Variants in KHDRBS1 observed in about 807,000 individuals in gnomAD.
KHDRBS1 encodes the protein KH RNA binding domain containing, signal transduction associated 1.
KHDRBS1 carries 7 observed loss-of-function variants against 48.4 expected under a neutral mutation model. The ratio of observed to expected loss-of-function variants is 0.14; its 90% CI spans 0.08 to 0.27. The LOEUF (loss-of-function observed/expected upper bound fraction) is 0.27. Ranked by LOEUF, KHDRBS1 falls within the 10% of genes least tolerant of loss-of-function variation. The probability of loss-of-function intolerance (pLI) is 1.00; values close to 1 mark genes in which losing one functional copy is unlikely to be tolerated. For synonymous variants in KHDRBS1, 241 were observed against 235.8 expected (o/e 1.02, Z -0.20); for missense variants, 458 against 601.2 (o/e 0.76, Z 2.49).
chr1:32,025,837 T>C (rs932660367), intron 1 of KHDRBS1, among the ~76,000 whole-genome samples: 9 of 149,760 alleles, frequency 6.0e-5, no homozygotes, highest in African/African-American at 1.7e-4. Flanking sequence ...CTTGAACTCT[T>C]GGGCTCAAGC....
At chr1:32,054,378 C>G (rs1639456765) in intron 10 of KHDRBS1, 1 of 152,130 alleles carries the variant, frequency 6.6e-6, no homozygotes, top group Non-Finnish European at 1.5e-5. Context: ...TCCCTCCTGC[C>G]TGAAGGCCTT....
chr1:32,020,813 G>A (rs76314776), intron 1 of KHDRBS1, among the ~76,000 whole-genome samples: 48 of 152,088 alleles, frequency 3.2e-4, no homozygotes, highest in Non-Finnish European at 6.0e-4. Context: ...GAGGGAAAAC[G>A]GTGACTGGCT....
chr1:32,035,614 A>G (rs12094507), intron 4 of KHDRBS1, among the ~76,000 whole-genome samples: 54,425 of 152,046 alleles, frequency 0.36, 12,126 homozygotes, highest in African/African-American at 0.63. Flanking sequence ...AATGCTTCAC[A>G]GTGCCGTAGG....
intron 1 of KHDRBS1, among the ~76,000 whole-genome samples, chr1:32,029,374 G>C (rs1639038024): frequency 6.6e-6 from 1 of 152,042 alleles, no homozygotes; most frequent in Non-Finnish European, 1.5e-5. Flanking sequence ...AAAGTACCTG[G>C]TGGCTGGGCG....
chr1:32,028,296 G>C (rs892313662), intron 1 of KHDRBS1, among the ~76,000 whole-genome samples: 1 of 151,758 alleles, frequency 6.6e-6, no homozygotes, highest in Non-Finnish European at 1.5e-5. Context: ...TCCCAGACTG[G>C]CTTTGAAGCC....
downstream of KHDRBS1, among the ~76,000 whole-genome samples, chr1:32,046,747 T>C (rs572170533): frequency 6.6e-6 from 1 of 152,304 alleles, no homozygotes; most frequent in South Asian, 2.1e-4. Flanking sequence ...GCCCTACGCA[T>C]ATAGAACCTT....
Position 32,033,015 on chromosome 1 carries a change from GTTTTTCT to G in KHDRBS1, c.625-153_625-147del, listed in dbSNP as rs199661950. Among the ~76,000 whole-genome samples, 466 of 152,164 alleles carry G rather than the reference GTTTTTCT, an allele frequency of 3.1e-3. 2 individuals are homozygous for G. The highest frequency in any genetic ancestry group is 0.02 in the East Asian group (102 of 5,182). On this transcript the variant is annotated intron_variant, in intron 3 of 8. Transcript: ENST00000327300. ...TTGTTTTACTTTCTTAAACTTTACTGTTTTTCTTTTTTCTTTTTTCTTTTTTTGTTTA... is the reference window on the plus strand; with the variant it reads ...TTGTTTTACTTTCTTAAACTTTACTGTTTTTCTTTTTTCTTTTTTTGTTTA...
chr1:32,039,270 T>G (rs1639239387), intron 7 of KHDRBS1, among the ~76,000 whole-genome samples: 1 of 152,216 alleles, frequency 6.6e-6, no homozygotes, highest in Non-Finnish European at 1.5e-5. Flanking sequence ...AAGGGTCAAT[T>G]TAGGATTGTG....
chr1:32,017,624 T>TG (rs1164295366), intron 1 of KHDRBS1, among the ~76,000 whole-genome samples: 3 of 143,818 alleles, frequency 2.1e-5, no homozygotes, highest in African/African-American at 8.0e-5. Context: ...TTTTTTTTTT[T>TG]GAGACGGAGT....
At chr1:32,032,385 G>T (rs1639098180) in intron 3 of KHDRBS1, among the ~76,000 whole-genome samples, 1 of 152,162 alleles carries the variant, frequency 6.6e-6, no homozygotes, top group South Asian at 2.1e-4. Flanking sequence ...TACGGCTGAA[G>T]TGTGTTCTAA....
chr1:32,022,987 C>G (rs1638891786), intron 1 of KHDRBS1, among the ~76,000 whole-genome samples: 1 of 152,056 alleles, frequency 6.6e-6, no homozygotes, highest in African/African-American at 2.4e-5. Context: ...CCAGACTTCT[C>G]TAATATTAAC....
intron 8 of KHDRBS1, among the ~76,000 whole-genome samples, chr1:32,041,854 C>T (rs1639288223): frequency 6.6e-6 from 1 of 152,134 alleles, no homozygotes; most frequent in East Asian, 1.9e-4. Flanking sequence ...TCCCAAAGTG[C>T]TGGGATTACG....
In KHDRBS1 at chr1:32,036,896, T is replaced by C. The variant is rs1337656026; in HGVS notation, c.772-14T>C. ...TAGATACCACACAATACTCCTTGTATCTTTCGTTCCCAGGATATGATGGAT... is the reference window on the plus strand; with the variant it reads ...TAGATACCACACAATACTCCTTGTACCTTTCGTTCCCAGGATATGATGGAT... On this transcript the variant is annotated splice_polypyrimidine_tract_variant and intron_variant, in intron 4 of 8. Coordinates refer to ENST00000327300, the MANE Select transcript of KHDRBS1 (RefSeq NM_006559.3). 2 of 1,610,068 alleles carry C rather than the reference T, an allele frequency of 1.2e-6. No individual in the cohort carries two copies. The highest frequency in any genetic ancestry group is 2.7e-5 in the African/African-American group (2 of 74,708).
intron 1 of KHDRBS1, among the ~76,000 whole-genome samples, chr1:32,022,566 C>G (rs1186822715): frequency 6.6e-6 from 1 of 152,072 alleles, no homozygotes; most frequent in East Asian, 1.9e-4. Flanking sequence ...AAAATCTTGA[C>G]CATTGTCTTG....
rs140397587 is a variant in KHDRBS1, at chr1:32,027,292, T to C, written c.383-3006T>C. On this transcript the variant is annotated intron_variant, in intron 1 of 8. Coordinates refer to ENST00000327300, the MANE Select transcript of KHDRBS1 (RefSeq NM_006559.3). Reference sequence around the variant, plus strand: ...TCAGATCAGAATTATGGCATCTTTGTTCTTCTAGGACTTTGAGGATTGAAT... The same window carrying C: ...TCAGATCAGAATTATGGCATCTTTGCTCTTCTAGGACTTTGAGGATTGAAT... Among the ~76,000 whole-genome samples, 392 of 152,044 alleles carry C rather than the reference T, an allele frequency of 2.6e-3. 1 individual carries two copies. The highest frequency in any genetic ancestry group is 8.0e-3 in the African/African-American group (334 of 41,560).
downstream of KHDRBS1, among the ~76,000 whole-genome samples, chr1:32,047,325 AT>A (rs1639369500): frequency 6.6e-6 from 1 of 152,008 alleles, no homozygotes; most frequent in Non-Finnish European, 1.5e-5. Flanking sequence ...CGCCTGGATA[AT>A]TTTTGTATTT....
chr1:32,036,163 A>ATTTTTTTTTTTTTTTTTTTTT (rs397742842), intron 4 of KHDRBS1, among the ~76,000 whole-genome samples: 2 of 60,466 alleles, frequency 3.3e-5, no homozygotes, highest in African/African-American at 1.5e-4. Flanking sequence ...CATTTTGAAG[A>ATTTTTTTTTTTTTTTTTTTTT]TTTTTTTTTT....
In KHDRBS1 at chr1:32,033,310, G is replaced by A. The variant is rs184100811; in HGVS notation, c.747G>A (p.Glu249=). ...ATGCTCTTATGGCCCATGCCATGGA[G>A]GAAGTCAAGAAATTTCTAGTACCGG... ...EAYALMAHAM[E]EVKKFLVPDM... Residue 249 remains glutamate, a synonymous_variant, in exon 4 of 9, where the codon GAG becomes GAA. Transcript: ENST00000327300. The A allele has an allele frequency of 1.7e-5, 27 of 1,614,122 alleles. No homozygotes were observed. In the East Asian group the frequency reaches 3.3e-4, roughly 20 times the overall value.
At chr1:32,017,600 C>CTTTTTTTT (rs34505125) in intron 1 of KHDRBS1, among the ~76,000 whole-genome samples, 22 of 73,810 alleles carry the variant, frequency 3.0e-4, no homozygotes, top group South Asian at 5.7e-4. Context: ...TCTTTTTCTA[C>CTTTTTTTT]TTTTTTTTTT....
Sources: allele counts gnomAD v4.1 joint callset (sites outside exome capture counted in the v4.1 genomes callset), GRCh38; gene constraint gnomAD v4.1.1; transcripts MANE v1.5; gene names NCBI Gene and HGNC (gene_info 2026-07-23, HGNC 2026-07-21).